PAK3: variants seen among roughly 807,000 people sequenced by gnomAD.
The protein encoded by PAK3 is p21 (RAC1) activated kinase 3.
In PAK3, 4 loss-of-function variants were observed where a neutral mutation model predicts 41.0. That is an observed-to-expected ratio of 0.10 (90% CI 0.05 to 0.22). The LOEUF (loss-of-function observed/expected upper bound fraction) is 0.22, where lower values mean the gene tolerates loss of function less well. Among genes scored for constraint, PAK3 ranks in the 10% least tolerant of loss-of-function variants. The pLI, the probability that PAK3 is intolerant of heterozygous loss-of-function variation, is 1.00. For synonymous variants in PAK3, 146 were observed against 139.6 expected (o/e 1.05, Z -0.32); for missense variants, 205 against 409.9 (o/e 0.50, Z 4.32).
chrX:111,070,728 G>A (rs1241156329), intron 1 of PAK3, among the ~76,000 whole-genome samples: 1 of 111,949 alleles, frequency 8.9e-6, no homozygotes, highest in African/African-American at 3.2e-5. Context: ...TTTTATAGGT[G>A]AGGCAACTGA....
intron 16 of PAK3, among the ~76,000 whole-genome samples, chrX:111,214,460 ACT>A (rs1324345871): frequency 9.0e-6 from 1 of 111,335 alleles, no homozygotes; most frequent in African/African-American, 3.3e-5. Flanking sequence ...CAAGTCTGGG[ACT>A]CTCTAGTTTA....
chrX:111,130,431 CTG>C (rs1334326554), intron 5 of PAK3, among the ~76,000 whole-genome samples: 2 of 111,754 alleles, frequency 1.8e-5, no homozygotes, highest in East Asian at 5.6e-4. Context: ...GCAGGAGAAA[CTG>C]GGCTTAATAT....
At chrX:111,002,419 G>A (rs890120609) in intron 1 of PAK3, among the ~76,000 whole-genome samples, 9 of 111,611 alleles carry the variant, frequency 8.1e-5, no homozygotes, top group African/African-American at 2.9e-4. Context: ...GGACACACAT[G>A]CTCTGAAAAG....
intron 1 of PAK3, among the ~76,000 whole-genome samples, chrX:110,944,896 T>A (rs1195232122): frequency 1.8e-5 from 2 of 111,746 alleles, no homozygotes; most frequent in African/African-American, 6.5e-5. Flanking sequence ...GCGTCCCCAC[T>A]CCCTGCATCC....
intron 1 of PAK3, among the ~76,000 whole-genome samples, chrX:111,040,255 A>G (rs909229731): frequency 9.0e-6 from 1 of 111,019 alleles, no homozygotes; most frequent in African/African-American, 3.3e-5. Flanking sequence ...AATTACAGAT[A>G]CTAATAAAAG....
At chrX:110,952,718 C>A (rs1316507237) in intron 1 of PAK3, among the ~76,000 whole-genome samples, 2 of 111,395 alleles carry the variant, frequency 1.8e-5, no homozygotes, top group African/African-American at 3.3e-5. Context: ...TTGTGGTTTT[C>A]CACTTACCTC....
At chrX:111,172,219 T>C (rs1342078362) in intron 10 of PAK3, among the ~76,000 whole-genome samples, 3 of 102,567 alleles carry the variant, frequency 2.9e-5, no homozygotes, top group Admixed American at 2.0e-4. Context: ...CTCTACATCA[T>C]TGATATAACG....
intron 1 of PAK3, among the ~76,000 whole-genome samples, chrX:111,036,976 G>A (rs767093432): frequency 3.3e-4 from 37 of 111,542 alleles, no homozygotes; most frequent in Admixed American, 3.8e-4. Flanking sequence ...CCAGAGTCTC[G>A]CTCTGTCACC....
At chrX:111,154,068 C>T (rs774736475) in intron 8 of PAK3, among the ~76,000 whole-genome samples, 2 of 111,863 alleles carry the variant, frequency 1.8e-5, no homozygotes, top group African/African-American at 6.5e-5. Flanking sequence ...TATGATTCCA[C>T]GTATGTGAGG....
chrX:110,958,313 G>A (rs1380687533), intron 1 of PAK3, among the ~76,000 whole-genome samples: 1 of 111,673 alleles, frequency 9.0e-6, no homozygotes, highest in Non-Finnish European at 1.9e-5. Flanking sequence ...TAGAATCAGT[G>A]AAGTAAGGGT....
chrX:111,011,551 C>T (rs1454812356), intron 1 of PAK3, among the ~76,000 whole-genome samples: 2 of 112,379 alleles, frequency 1.8e-5, no homozygotes, highest in Admixed American at 1.9e-4. Context: ...TGGAGGGTAG[C>T]AGTCTTTTAA....
At chrX:111,086,120 G>A (rs2092880763) in intron 1 of PAK3, among the ~76,000 whole-genome samples, 1 of 109,118 alleles carries the variant, frequency 9.2e-6, no homozygotes, top group Non-Finnish European at 1.9e-5. Context: ...CTGGGCAGGG[G>A]GGCGGTGGGG....
intron 10 of PAK3, among the ~76,000 whole-genome samples, chrX:111,172,135 A>G (rs934556044): frequency 9.0e-6 from 1 of 111,527 alleles, no homozygotes; most frequent in Non-Finnish European, 1.9e-5. Flanking sequence ...AATAGTGTGG[A>G]TAAGTTCTTA....
intron 1 of PAK3, among the ~76,000 whole-genome samples, chrX:111,088,844 C>A (rs777150278): frequency 7.2e-5 from 8 of 111,839 alleles, no homozygotes; most frequent in Non-Finnish European, 1.3e-4. Context: ...AAAGTGTTTT[C>A]TATTAACTTT....
chrX:111,125,451 G>A (rs964229306), intron 5 of PAK3, among the ~76,000 whole-genome samples: 1 of 111,628 alleles, frequency 9.0e-6, no homozygotes, highest in African/African-American at 3.3e-5. Flanking sequence ...ATTATCATAA[G>A]TGATGATGAA....
At chrX:110,979,850 C>T (rs780620403) in intron 1 of PAK3, among the ~76,000 whole-genome samples, 5 of 112,068 alleles carry the variant, frequency 4.5e-5, no homozygotes, top group Non-Finnish European at 9.4e-5. Context: ...GGTTAGAAGT[C>T]CTGGCAGACT....
At chrX:111,035,105 C>CAAAAAAA (rs533876214) in intron 1 of PAK3, among the ~76,000 whole-genome samples, 13 of 39,556 alleles carry the variant, frequency 3.3e-4, no homozygotes, top group African/African-American at 1.8e-3. Context: ...GACCCTGTCT[C>CAAAAAAA]AAAAAAAAAA....
intron 1 of PAK3, among the ~76,000 whole-genome samples, chrX:110,975,114 T>C (rs2091300136): frequency 8.9e-6 from 1 of 111,966 alleles, no homozygotes; most frequent in South Asian, 3.8e-4. Context: ...GCCAGGCCAA[T>C]CAGGCAGGAG....
intron 1 of PAK3, among the ~76,000 whole-genome samples, chrX:110,986,118 T>A (rs980070776): frequency 2.7e-5 from 3 of 112,133 alleles, no homozygotes; most frequent in African/African-American, 9.7e-5. Flanking sequence ...TCCTGTACTA[T>A]CTTGATACTG....
Sources: gnomAD v4.1 joint callset for allele counts (sites outside exome capture counted in the v4.1 genomes callset) on GRCh38, gnomAD v4.1.1 for gene constraint, MANE v1.5 for transcripts, NCBI Gene and HGNC (gene_info 2026-07-23, HGNC 2026-07-21) for gene names.